Variants in DNAH11 observed in about 807,000 individuals in gnomAD.
The protein encoded by DNAH11 is axonemal beta dynein heavy chain 11.
DNAH11 carries 442 observed loss-of-function variants against 526.0 expected under a neutral mutation model. The ratio of observed to expected loss-of-function variants is 0.84; its 90% CI spans 0.78 to 0.91. The LOEUF is 0.91. DNAH11 is among the 40% of genes least tolerant of loss of function. The pLI is 0.00. For missense variants in DNAH11, 6,989 were observed against 5,448.7 expected, an observed-to-expected ratio of 1.28 and a Z score of -8.90; for synonymous variants, 2,461 against 1,935.9, an observed-to-expected ratio of 1.27 and a Z score of -7.12.
intron 29 of DNAH11, among the ~76,000 whole-genome samples, chr7:21,656,247 A>G (rs1782011946): frequency 6.6e-6 from 1 of 152,178 alleles, no homozygotes; most frequent in Admixed American, 6.5e-5. Flanking sequence ...TCACAGATTG[A>G]ATGAGTGACC....
chr7:21,719,739 C>A (rs1784803804), intron 43 of DNAH11, among the ~76,000 whole-genome samples: 1 of 152,196 alleles, frequency 6.6e-6, no homozygotes, highest in Non-Finnish European at 1.5e-5. Context: ...TCCCCATCTT[C>A]TGTGGCAAGG....
intron 75 of DNAH11, among the ~76,000 whole-genome samples, chr7:21,883,170 G>GC (rs1431523140): frequency 6.6e-6 from 1 of 152,190 alleles, no homozygotes; most frequent in Admixed American, 6.5e-5. Context: ...CATAGTTGAA[G>GC]CAATTTTACT....
Position 21,765,580 on chromosome 7 carries a change from G to A in DNAH11, c.9093G>A (p.Lys3031=). 1 of 1,538,336 alleles carries A rather than the reference G, an allele frequency of 6.5e-7. No individual in the cohort carries two copies. The highest frequency in any genetic ancestry group is 2.3e-5 in the East Asian group (1 of 42,658). Residue 3031 remains lysine (K), a synonymous_variant, in exon 55 of 82, where the codon AAG becomes AAA. Transcript: ENST00000409508. The part of the protein sequence containing the change: ...SVSRRFIEET[K]GIEPVHKDSI... ...GCAGGAGGTTCATTGAGGAAACCAA[G>A]GGAATTGAGGTATGCCGTGTCAGCC...
chr7:21,652,774 A>G (rs1412548433), intron 28 of DNAH11, among the ~76,000 whole-genome samples: 1 of 152,338 alleles, frequency 6.6e-6, no homozygotes, highest in East Asian at 1.9e-4. Flanking sequence ...CTCAAAATAC[A>G]TGGTGAGTTA....
intron 61 of DNAH11, among the ~76,000 whole-genome samples, chr7:21,794,892 T>TG (rs1307446468): frequency 6.6e-6 from 1 of 152,122 alleles, no homozygotes; most frequent in African/African-American, 2.4e-5. Flanking sequence ...ACTACGAGTC[T>TG]GGGGGGCATT....
chr7:21,574,606 C>T (rs1323067272), intron 8 of DNAH11, among the ~76,000 whole-genome samples: 1 of 148,386 alleles, frequency 6.7e-6, no homozygotes, highest in Non-Finnish European at 1.5e-5. Flanking sequence ...CTCTGTCGCC[C>T]AGGCTGGAGT....
chr7:21,786,734 A>G lies in DNAH11; in HGVS notation c.9708A>G (p.Arg3236=). The G allele has an allele frequency of 2.5e-6, 4 of 1,613,816 alleles. No homozygotes were observed. Among genetic ancestry groups the G allele is most frequent in the Non-Finnish European group, 3.4e-6 (4 of 1,179,752 alleles). Residue 3236 remains arginine, a synonymous_variant, in exon 59 of 82, where the codon CGA becomes CGG. Coordinates refer to ENST00000409508, the MANE Select transcript of DNAH11 (RefSeq NM_001277115.2). ...LAPRGRVPKD[R]SWKAAKVFMG... ...CTCGGGGAAGAGTGCCCAAAGACCG[A>G]AGTTGGAAAGCAGCTAAAGTCTTCA...
At chr7:21,727,771 G>A (rs1016655065) in intron 45 of DNAH11, among the ~76,000 whole-genome samples, 4 of 152,276 alleles carry the variant, frequency 2.6e-5, no homozygotes, top group African/African-American at 9.6e-5. Flanking sequence ...ATTTCCTGGA[G>A]CTGCCATAAC....
chr7:21,874,304 A>G (rs779281618), intron 74 of DNAH11, among the ~76,000 whole-genome samples: 2 of 146,830 alleles, frequency 1.4e-5, no homozygotes, highest in Non-Finnish European at 3.0e-5. Context: ...TTTTTCCAAG[A>G]TAAGACAAAT....
At chr7:21,753,167 C>T (rs984632835) in intron 54 of DNAH11, among the ~76,000 whole-genome samples, 1 of 152,112 alleles carries the variant, frequency 6.6e-6, no homozygotes, top group South Asian at 2.1e-4. Flanking sequence ...CTGCTTTCAT[C>T]GTGATGCCTC....
intron 70 of DNAH11, 58 bp downstream of exon 70, chr7:21,864,715 C>G: frequency 2.0e-6 from 3 of 1,480,188 alleles, no homozygotes; most frequent in South Asian, 1.5e-5. Flanking sequence ...TTAGCTCTCT[C>G]CAGTGTTGAA....
Position 21,543,351 on chromosome 7 carries a change from G to C in DNAH11, c.106G>C (p.Glu36Gln), listed in dbSNP as rs943142146. ...GGAGGCAGTGGGCGCTGTGGAGCTC[G>C]AGGAGGAGGAGGAGAACGAGGAGGA... The part of the protein sequence containing the change: ...GLEAVGAVEL[E>Q]EEEENEEEAA... The change falls in exon 1 of 82, where the codon GAG becomes CAG. Residue 36 changes from glutamate (E) to glutamine (Q), a missense_variant. Glu to Gln is a conservative substitution (Grantham distance 29, BLOSUM62 2). Transcript: ENST00000409508. 7 of 1,305,346 alleles carry C rather than the reference G, an allele frequency of 5.4e-6. No individual in the cohort carries two copies. Among genetic ancestry groups the C allele is most frequent in the Non-Finnish European group, 7.3e-6 (7 of 954,722 alleles). 80.9% of individuals were successfully genotyped at this position (1,305,346 alleles called of 1,614,324 possible).
chr7:21,684,051 G>A (rs1411125366), intron 32 of DNAH11, 107 bp downstream of exon 32: 2 of 1,156,028 alleles, frequency 1.7e-6, no homozygotes, highest in East Asian at 2.5e-5. Flanking sequence ...AATGAACTAT[G>A]TGAAAGTGGT....
At position 21,901,262 on chromosome 7, in the gene DNAH11, C is replaced by A. The variant is rs780190219; in HGVS notation, c.*8C>A. 27 of 1,596,132 alleles carry A rather than the reference C, an allele frequency of 1.7e-5. No homozygotes were observed. In the Admixed American group the frequency reaches 4.4e-4, roughly 26 times the overall value. ...CTGCTTCTAGAAGCGTAAGGTAACA[C>A]TGGCATTCCTCTAGCCTCTGCTGGA... On this transcript the variant is annotated 3_prime_UTR_variant, in exon 82 of 82. Coordinates refer to ENST00000409508, the MANE Select transcript of DNAH11 (RefSeq NM_001277115.2).
chr7:21,680,425 C>CT (rs1783090831), intron 30 of DNAH11, among the ~76,000 whole-genome samples: 1 of 152,202 alleles, frequency 6.6e-6, no homozygotes, highest in African/African-American at 2.4e-5. Flanking sequence ...AGGCAGAAAT[C>CT]TTTTTGTGTA....
intron 25 of DNAH11, among the ~76,000 whole-genome samples, chr7:21,622,233 A>G (rs1396081602): frequency 6.6e-6 from 1 of 152,202 alleles, no homozygotes; most frequent in African/African-American, 2.4e-5. Flanking sequence ...CTTCAAAGAG[A>G]ATAAAATACC....
chr7:21,893,327 T>C (rs1260330290), intron 77 of DNAH11, among the ~76,000 whole-genome samples: 1 of 150,078 alleles, frequency 6.7e-6, no homozygotes, highest in East Asian at 1.9e-4. Context: ...ACTTGCTCTA[T>C]CTTTTTTGTG....
In DNAH11 at chr7:21,901,512, T is replaced by G; in HGVS notation, c.*258T>G. 3.1e-6 allele frequency: 1 copy of G among 319,626 alleles called. No homozygotes were observed. Among genetic ancestry groups the G allele is most frequent in the East Asian group, 6.4e-5 (1 of 15,548 alleles). The allele number at this position is 319,626 out of a possible 1,614,324, so 19.8% of individuals were successfully genotyped here. A position where few individuals can be genotyped will look rare whatever the true frequency, so the allele number is the denominator to read the frequency against. The stretch of plus-strand genomic sequence containing the variant: ...TGAACCTAGGAGGCAAAGGTTGCAG[T>G]GAGCCGAGGTTGCACCACTGCACTC... On this transcript the variant is annotated 3_prime_UTR_variant, in exon 82 of 82. Transcript: ENST00000409508.
chr7:21,590,932 G>T lies in DNAH11; in HGVS notation c.2184G>T (p.Leu728Phe). Residue 728 changes from leucine to phenylalanine, a missense_variant, in exon 13 of 82, where the codon TTG becomes TTT. By Grantham distance (22) the Leu-to-Phe change is conservative. Coordinates refer to ENST00000409508, the MANE Select transcript of DNAH11 (RefSeq NM_001277115.2). Reference sequence around the variant, plus strand: ...TATTTTAATAGCTAGTGGCTGTATTGAGAGAAGTGAAATATCTTTTGATGT... The same window carrying T: ...TATTTTAATAGCTAGTGGCTGTATTTAGAGAAGTGAAATATCTTTTGATGT... ...VNFDPKLVAVLREVKYLLMLK... is the reference protein window; with the variant it reads ...VNFDPKLVAVFREVKYLLMLK... 1 of 1,481,068 alleles carries T rather than the reference G, an allele frequency of 6.8e-7. No homozygotes were observed. Among genetic ancestry groups the T allele is most frequent in the Non-Finnish European group, 8.9e-7 (1 of 1,123,748 alleles). The allele number at this position is 1,481,068 out of a possible 1,614,324, so 91.7% of individuals were successfully genotyped here. A position where few individuals can be genotyped will look rare whatever the true frequency, so the allele number is the denominator to read the frequency against.
Sources: allele counts gnomAD v4.1 joint callset (sites outside exome capture counted in the v4.1 genomes callset), GRCh38; gene constraint gnomAD v4.1.1; transcripts MANE v1.5; gene names NCBI Gene and HGNC (gene_info 2026-07-23, HGNC 2026-07-21).